CD34: variants seen among roughly 807,000 people sequenced by gnomAD.
CD34 encodes the protein CD34 molecule.
A neutral mutation model predicts 40.1 loss-of-function variants in CD34; 34 were observed. The ratio of observed to expected loss-of-function variants is 0.85; its 90% CI spans 0.65 to 1.13. CD34 has a LOEUF of 1.13. Among genes scored for constraint, CD34 ranks in the 50% most tolerant of loss-of-function variants. The pLI is 0.00. For missense variants in CD34, 426 were observed against 466.9 expected, an observed-to-expected ratio of 0.91 and a Z score of 0.81; for synonymous variants, 209 against 190.0, an observed-to-expected ratio of 1.10 and a Z score of -0.82.
Position 207,899,132 on chromosome 1 carries a change from T to G in CD34, c.357A>C (p.Thr119=). ...AAACGTTGGCTGGGGTGGTGAACAC[T>G]GTGCTGATTACAGAGGTCTGTGACT... The part of the protein sequence containing the change: ...SVQSQTSVIS[T]VFTTPANVST... The change falls in exon 3 of 8, where the codon ACA becomes ACC. Residue 119 remains threonine (T), a synonymous_variant. Transcript: ENST00000310833. 6.2e-7 allele frequency: 1 copy of G among 1,614,202 alleles called. No individual in the cohort carries two copies. The highest frequency in any genetic ancestry group is 8.5e-7 in the Non-Finnish European group (1 of 1,180,022).
At chr1:207,900,107 C>A in intron 1 of CD34, 104 bp from the exon 2 acceptor site, 1 of 821,470 alleles carries the variant, frequency 1.2e-6, no homozygotes, top group Non-Finnish European at 1.9e-6. Flanking sequence ...TAGAACATTC[C>A]CTGCTGCCCC....
intron 2 of CD34, 111 bp from the exon 3 acceptor site, chr1:207,899,337 G>T: frequency 1.7e-6 from 2 of 1,164,702 alleles, no homozygotes; most frequent in Non-Finnish European, 2.5e-6. Flanking sequence ...AGTTTGGGGA[G>T]TTAACAGTTA....
chr1:207,893,820 G>A (rs2102298460), intron 4 of CD34, among the ~76,000 whole-genome samples: 1 of 152,182 alleles, frequency 6.6e-6, no homozygotes. Context: ...CATGAAAGAG[G>A]CTCAACATCA....
intron 4 of CD34, 146 bp from the exon 5 acceptor site, chr1:207,889,767 A>AAC: frequency 6.3e-7 from 1 of 1,583,614 alleles, no homozygotes; most frequent in East Asian, 2.2e-5. Flanking sequence ...AAAAAAAAAA[A>AAC]CTGCTAACTG....
chr1:207,901,509 AT>A (rs1444086537), intron 1 of CD34, among the ~76,000 whole-genome samples: 1 of 152,200 alleles, frequency 6.6e-6, no homozygotes, highest in Non-Finnish European at 1.5e-5. Flanking sequence ...CACACATGCA[AT>A]TGCCTTGCAA....
intron 4 of CD34, chr1:207,890,262 G>T: frequency 1.0e-6 from 1 of 992,892 alleles, no homozygotes; most frequent in South Asian, 4.6e-5. Flanking sequence ...CCAGGAATTT[G>T]GACTCAGAAG....
intron 1 of CD34, among the ~76,000 whole-genome samples, chr1:207,906,763 G>C (rs1354619372): frequency 1.3e-5 from 2 of 152,128 alleles, no homozygotes; most frequent in African/African-American, 4.8e-5. Flanking sequence ...AGAACTGCTT[G>C]AACCTGGGAG....
intron 1 of CD34, among the ~76,000 whole-genome samples, chr1:207,904,746 TCTAA>T (rs1386687512): frequency 4.6e-5 from 7 of 152,194 alleles, no homozygotes; most frequent in Non-Finnish European, 8.8e-5. Flanking sequence ...TCAGGATAGG[TCTAA>T]CTGTCACCTC....
intron 4 of CD34, 98 bp from the exon 5 acceptor site, chr1:207,889,719 T>C: frequency 6.3e-7 from 1 of 1,598,064 alleles, no homozygotes; most frequent in Non-Finnish European, 8.5e-7. Context: ...TCTTACCCCG[T>C]CCGCAAGAAG....
At chr1:207,910,225 G>C (rs2102309326) in intron 1 of CD34, among the ~76,000 whole-genome samples, 1 of 152,250 alleles carries the variant, frequency 6.6e-6, no homozygotes, top group Middle Eastern at 3.4e-3. Flanking sequence ...TTAGAACTTG[G>C]AGCAGGGGCA....
Position 207,893,013 on chromosome 1 carries a change from G to A in CD34, c.598-3392C>T, listed in dbSNP as rs1022908096. Among the ~76,000 whole-genome samples the A allele has an allele frequency of 3.9e-5, 6 of 152,296 alleles. No individual in the cohort carries two copies. The East Asian group carries it at 9.7e-4, about 25-fold the overall frequency. The stretch of plus-strand genomic sequence containing the variant: ...TGTGTTTGGGCCCCAAGAGGAGCAG[G>A]TGGATCCTGAACAAAGCACAATGCT... On this transcript the variant is annotated intron_variant, in intron 4 of 7. Coordinates refer to ENST00000310833, the MANE Select transcript of CD34 (RefSeq NM_001025109.2).
At position 207,889,208 on chromosome 1, in the gene CD34, A is replaced by C. The variant is rs140572579; in HGVS notation, c.760T>G (p.Ser254Ala). 1.7e-5 allele frequency: 28 copies of C among 1,613,470 alleles called. No homozygotes were observed. In the African/African-American group the frequency reaches 3.7e-4, roughly 22 times the overall value. The change falls in exon 6 of 8, where the codon TCC becomes GCC. Residue 254 changes from serine (S) to alanine (A), a missense_variant. Ser to Ala is a moderately conservative substitution (Grantham distance 99, BLOSUM62 1). Coordinates refer to ENST00000310833, the MANE Select transcript of CD34 (RefSeq NM_001025109.2). Reference protein sequence around the residue: ...LLVLANRTEISSKLQLMKKHQ... With the variant: ...LLVLANRTEIASKLQLMKKHQ... The stretch of plus-strand genomic sequence containing the variant: ...TTTTTCATAAGTTGGAGTTTGCTGG[A>C]AATTTCTAGAATTAGAAACAAGGGT...
chr1:207,898,872 C>G, intron 3 of CD34, 101 bp downstream of exon 3: 1 of 1,274,686 alleles, frequency 7.8e-7, no homozygotes, highest in Admixed American at 1.8e-5. Flanking sequence ...GACCCAAATC[C>G]CACTGGCAGG....
chr1:207,907,686 ATTTG>A (rs1436675334), intron 1 of CD34, among the ~76,000 whole-genome samples: 1 of 152,170 alleles, frequency 6.6e-6, no homozygotes, highest in Admixed American at 6.5e-5. Context: ...ATGCATCCCT[ATTTG>A]TTTGTCTCTC....
Position 207,889,457 on chromosome 1 carries a change from C to T in CD34, c.754+8G>A. ...TTCCCTGTTCCCCCAGGCAGAGGTG[C>T]ACCTTACCTGTTCTGTTGGCCAAGA... is the stretch of plus-strand genomic sequence containing the variant. On this transcript the variant is annotated splice_region_variant and intron_variant, in intron 5 of 7. Coordinates refer to ENST00000310833, the MANE Select transcript of CD34 (RefSeq NM_001025109.2). 1.9e-6 allele frequency: 3 copies of T among 1,607,394 alleles called. No individual in the cohort carries two copies. The highest frequency in any genetic ancestry group is 2.6e-6 in the Non-Finnish European group (3 of 1,175,886).
At chr1:207,897,470 G>A in intron 4 of CD34, 23 bp downstream of exon 4, 2 of 1,526,220 alleles carry the variant, frequency 1.3e-6, no homozygotes, top group Non-Finnish European at 1.8e-6. Context: ...GGGAGGAAGA[G>A]GTTGGGTGGG....
chr1:207,908,497 T>C (rs1662434886), intron 1 of CD34, among the ~76,000 whole-genome samples: 1 of 152,254 alleles, frequency 6.6e-6, no homozygotes, highest in Non-Finnish European at 1.5e-5. Context: ...CCTTTTATTT[T>C]TCCCCTCTTA....
chr1:207,910,028 G>C (rs1286502690), intron 1 of CD34, among the ~76,000 whole-genome samples: 2 of 152,250 alleles, frequency 1.3e-5, no homozygotes, highest in Non-Finnish European at 2.9e-5. Context: ...AATGTACAAA[G>C]TTTCAAAAGT....
rs1227714016 is a variant in CD34 at position 207,888,770 on chromosome 1, AC to A, written c.883del (p.Val295SerfsTer17). The A allele has an allele frequency of 1.2e-6, 2 of 1,614,186 alleles. No individual in the cohort carries two copies. The highest frequency in any genetic ancestry group is 1.7e-6 in the Non-Finnish European group (2 of 1,180,026). On this transcript the variant is annotated frameshift_variant, in exon 7 of 8. Transcript: ENST00000310833. LOFTEE classifies it high-confidence loss of function. ...SYSQKTLIALVTSGALLAVLG... is the reference protein window; with the variant it reads ...SYSQKTLIALXTSGALLAVLG... ...GACAGCCAGCAGGGCTCCCGAGGTG[AC>A]CAGTGCAATCAGGGTCTTTTGGGAA...
Sources: allele counts gnomAD v4.1 joint callset (sites outside exome capture counted in the v4.1 genomes callset), GRCh38; gene constraint gnomAD v4.1.1; transcripts MANE v1.5; gene names NCBI Gene and HGNC (gene_info 2026-07-23, HGNC 2026-07-21).